CDC42BPA: variants seen among roughly 807,000 people sequenced by gnomAD.
The protein encoded by CDC42BPA is CDC42 binding protein kinase alpha, also known as serine/threonine-protein kinase MRCK alpha.
A neutral mutation model predicts 223.5 loss-of-function variants in CDC42BPA; 80 were observed. The observed-to-expected ratio is 0.36, with a 90% CI of 0.30 to 0.43. The LOEUF (loss-of-function observed/expected upper bound fraction) is 0.43. CDC42BPA is among the 20% of genes least tolerant of loss of function. The pLI, the probability that CDC42BPA is intolerant of heterozygous loss-of-function variation, is 1.00. For synonymous variants in CDC42BPA, 694 were observed against 718.6 expected, an observed-to-expected ratio of 0.97 and a Z score of 0.55; for missense variants, 1,743 against 2,099.9, an observed-to-expected ratio of 0.83 and a Z score of 3.32.
chr1:227,288,069 A>G (rs1451883392), intron 1 of CDC42BPA, among the ~76,000 whole-genome samples: 1 of 152,190 alleles, frequency 6.6e-6, no homozygotes, highest in Non-Finnish European at 1.5e-5. Context: ...AATAAACATT[A>G]ATCTATGAGT....
At chr1:227,258,694 C>T (rs1683530878) in intron 1 of CDC42BPA, among the ~76,000 whole-genome samples, 1 of 150,448 alleles carries the variant, frequency 6.6e-6, no homozygotes, top group Non-Finnish European at 1.5e-5. Flanking sequence ...TTCTATGCTG[C>T]ATTTGAAAAA....
At chr1:227,133,392 G>A (rs1415387926) in intron 10 of CDC42BPA, among the ~76,000 whole-genome samples, 3 of 151,424 alleles carry the variant, frequency 2.0e-5, no homozygotes, top group South Asian at 2.1e-4. Context: ...GGTGAGGGGC[G>A]CTTCTGCCCG....
chr1:227,160,837 T>C (rs1306964206), intron 5 of CDC42BPA, among the ~76,000 whole-genome samples: 2 of 152,188 alleles, frequency 1.3e-5, no homozygotes, highest in Non-Finnish European at 2.9e-5. Flanking sequence ...TCAGTATTCT[T>C]CTAGAGATAA....
intron 15 of CDC42BPA, 90 bp downstream of exon 15, chr1:227,100,902 G>T (rs1684936384): frequency 1.4e-5 from 12 of 843,350 alleles, no homozygotes; most frequent in African/African-American, 3.4e-5. Flanking sequence ...TTAGGTCTAG[G>T]ATATGTTTAT....
chr1:227,195,515 T>C (rs1329411760), intron 4 of CDC42BPA, among the ~76,000 whole-genome samples: 1 of 152,172 alleles, frequency 6.6e-6, no homozygotes, highest in Non-Finnish European at 1.5e-5. Flanking sequence ...CAATTTACTT[T>C]TGATTAAAGT....
intron 15 of CDC42BPA, among the ~76,000 whole-genome samples, chr1:227,100,262 T>C (rs1056904886): frequency 6.6e-6 from 1 of 152,148 alleles, no homozygotes; most frequent in African/African-American, 2.4e-5. Context: ...CGCAGCTGGA[T>C]TCCTACCTCC....
intron 2 of CDC42BPA, among the ~76,000 whole-genome samples, chr1:227,247,790 G>A (rs10916109): frequency 0.15 from 22,780 of 151,936 alleles, 2,066 homozygotes; most frequent in African/African-American, 0.24. Context: ...GCTGAAGCAG[G>A]AGAATCGCTT....
At position 227,195,375 on chromosome 1, in the gene CDC42BPA, G is replaced by A. The variant is rs189790486; in HGVS notation, c.451-1441C>T. Among the ~76,000 whole-genome samples the A allele has an allele frequency of 3.3e-5, 5 of 152,228 alleles. No individual in the cohort carries two copies. In the East Asian group the frequency reaches 9.7e-4, roughly 29 times the overall value. ...CACCCAGCTAATTTTTGTATTTTTA[G>A]TAGAGACGGGGTTTCACCACGTTGC... On this transcript the variant is annotated intron_variant, in intron 4 of 36. Coordinates refer to ENST00000366766, the MANE Select transcript of CDC42BPA (RefSeq NM_001394014.1).
Position 227,305,783 on chromosome 1 carries a change from T to C in CDC42BPA, c.178+11222A>G, listed in dbSNP as rs539650445. ...GAGTTTGAGACCAGCCTGGCCAACA[T>C]AGTGAAACCCCATCTCTACTAAAAA... On this transcript the variant is annotated intron_variant, in intron 1 of 36. Coordinates refer to ENST00000366766, the MANE Select transcript of CDC42BPA (RefSeq NM_001394014.1). Among the ~76,000 whole-genome samples the C allele has an allele frequency of 1.3e-3, 205 of 152,128 alleles. 1 individual carries two copies. Among genetic ancestry groups the C allele is most frequent in the African/African-American group, 3.6e-3 (151 of 41,500 alleles).
chr1:227,219,023 C>T (rs1007084506), intron 2 of CDC42BPA, among the ~76,000 whole-genome samples: 9 of 152,116 alleles, frequency 5.9e-5, no homozygotes, highest in African/African-American at 2.2e-4. Flanking sequence ...CTATAAAATA[C>T]AGTATGCCCA....
At chr1:227,289,073 G>A (rs1689271597) in intron 1 of CDC42BPA, among the ~76,000 whole-genome samples, 2 of 152,082 alleles carry the variant, frequency 1.3e-5, no homozygotes, top group South Asian at 4.2e-4. Flanking sequence ...CCCTACTACA[G>A]CCCAACTTCA....
intron 1 of CDC42BPA, among the ~76,000 whole-genome samples, chr1:227,256,986 CA>C (rs1683177159): frequency 7.5e-5 from 11 of 146,676 alleles, no homozygotes; most frequent in Admixed American, 7.0e-5. Flanking sequence ...CACACACACA[CA>C]CACCAGTATG....
At chr1:227,001,224 T>A (rs1034396114) in intron 35 of CDC42BPA, among the ~76,000 whole-genome samples, 9 of 152,218 alleles carry the variant, frequency 5.9e-5, no homozygotes, top group African/African-American at 2.2e-4. Flanking sequence ...GCTGTCCTTC[T>A]GGAAACATTT....
intron 21 of CDC42BPA, chr1:227,059,329 T>C: frequency 6.6e-7 from 1 of 1,522,976 alleles, no homozygotes; most frequent in Non-Finnish European, 8.9e-7. Context: ...GAGAGAGGGG[T>C]AAAAGGCCTC....
chr1:227,226,619 G>A (rs772103767), intron 2 of CDC42BPA, among the ~76,000 whole-genome samples: 15 of 152,150 alleles, frequency 9.9e-5, no homozygotes, highest in Non-Finnish European at 1.8e-4. Flanking sequence ...GCGAAGACCA[G>A]CCAAGAAATA....
At chr1:227,305,341 C>T (rs1457582668) in intron 1 of CDC42BPA, among the ~76,000 whole-genome samples, 2 of 151,898 alleles carry the variant, frequency 1.3e-5, no homozygotes, top group Admixed American at 6.6e-5. Flanking sequence ...AAATCCATTA[C>T]TCTGTATAGA....
At chr1:227,240,074 A>T (rs1417189732) in intron 2 of CDC42BPA, among the ~76,000 whole-genome samples, 1 of 152,120 alleles carries the variant, frequency 6.6e-6, no homozygotes, top group Non-Finnish European at 1.5e-5. Context: ...AAAATAAATG[A>T]CTTTAGTAGG....
rs190548536 is a variant in CDC42BPA, at chr1:227,153,265, T to C, written c.694-5706A>G. 2.0e-5 allele frequency among the ~76,000 whole-genome samples: 3 copies of C among 151,314 alleles called. No homozygotes were observed. The East Asian group carries it at 5.8e-4, about 29-fold the overall frequency. ...AAAAAGTATTCTTTTCAAATAAACA[T>C]AGAACATATAAAAACTGGCCTGTTA... On this transcript the variant is annotated intron_variant, in intron 6 of 36. Coordinates refer to ENST00000366766, the MANE Select transcript of CDC42BPA (RefSeq NM_001394014.1).
intron 1 of CDC42BPA, among the ~76,000 whole-genome samples, chr1:227,267,813 T>C (rs952250239): frequency 2.6e-5 from 4 of 152,016 alleles, no homozygotes; most frequent in South Asian, 2.1e-4. Flanking sequence ...ATGGGGGAAA[T>C]TGGCCCCATG....
Sources: allele counts gnomAD v4.1 joint callset (sites outside exome capture counted in the v4.1 genomes callset), GRCh38; gene constraint gnomAD v4.1.1; transcripts MANE v1.5; gene names NCBI Gene and HGNC (gene_info 2026-07-23, HGNC 2026-07-21).